The following MASP1 variants were observed in gnomAD, a reference collection of about 807,000 sequenced individuals.
MASP1 encodes the protein mannan-binding lectin serine protease 1.
MASP1 carries 59 observed loss-of-function variants against 77.1 expected under a neutral mutation model. The ratio of observed to expected loss-of-function variants is 0.77; its 90% confidence interval spans 0.62 to 0.95. MASP1 has a LOEUF of 0.95. Ranked by LOEUF, MASP1 falls within the 40% of genes least tolerant of loss-of-function variation. The pLI is 0.00. For missense variants in MASP1, 885 were observed against 912.9 expected, an observed-to-expected ratio of 0.97 and a Z score of 0.39; for synonymous variants, 362 against 354.5, an observed-to-expected ratio of 1.02 and a Z score of -0.24.
chr3:187,254,734 T>G (rs1714927824), intron 5 of MASP1, among the ~76,000 whole-genome samples: 1 of 152,004 alleles, frequency 6.6e-6, no homozygotes, highest in African/African-American at 2.4e-5. Context: ...TGCAGGAGGT[T>G]GGGGGCAGTG....
chr3:187,243,604 G>A lies in MASP1; in HGVS notation c.1108C>T (p.Pro370Ser), dbSNP rs780359180. 1 of 1,614,176 alleles carries A rather than the reference G, an allele frequency of 6.2e-7. No homozygotes were observed. The highest frequency in any genetic ancestry group is 1.1e-5 in the South Asian group (1 of 91,074). The change falls in exon 9 of 11, where the codon CCA (proline) becomes TCA (serine). Residue 370 changes from proline to serine, a missense_variant. By Grantham distance (74) the Pro-to-Ser change is moderately conservative. Transcript: ENST00000296280. ...ATCAGCCCGTGTTCCAGCTCTCCTGGGGCTCTACAGTCTACAACTGAGAGA... is the reference window on the plus strand; with the variant it reads ...ATCAGCCCGTGTTCCAGCTCTCCTGAGGCTCTACAGTCTACAACTGAGAGA... Reference protein sequence around the residue: ...PTCKIVDCRAPGELEHGLITF... With the variant: ...PTCKIVDCRASGELEHGLITF...
At chr3:187,252,589 C>T (rs1190498967) in intron 6 of MASP1, among the ~76,000 whole-genome samples, 1 of 152,142 alleles carries the variant, frequency 6.6e-6, no homozygotes, top group Non-Finnish European at 1.5e-5. Context: ...TTAGTCATGC[C>T]CAGCTGCGAT....
chr3:187,262,981 T>C (rs1423017326), intron 2 of MASP1: 1 of 454,936 alleles, frequency 2.2e-6, no homozygotes, highest in Non-Finnish European at 3.9e-6. Context: ...ACCAAGCAGC[T>C]TATTTATTAA....
At chr3:187,243,901 T>C (rs538772330) in intron 8 of MASP1, 1 of 480,734 alleles carries the variant, frequency 2.1e-6, no homozygotes, top group Admixed American at 3.3e-5. Context: ...TCTACTGAGG[T>C]TTAAGCAGAC....
intron 8 of MASP1, 117 bp downstream of exon 8, chr3:187,250,134 C>T (rs1327512279): frequency 2.4e-6 from 2 of 832,088 alleles, no homozygotes; most frequent in Non-Finnish European, 4.3e-6. Flanking sequence ...TGTTAAATTC[C>T]TGCTCCCATC....
At position 187,262,671 on chromosome 3, in the gene MASP1, G is replaced by T. The variant is rs765885963; in HGVS notation, c.287C>A (p.Thr96Lys). 4.3e-6 allele frequency: 7 copies of T among 1,614,162 alleles called. No homozygotes were observed. In the Admixed American group the frequency reaches 8.3e-5, roughly 19 times the overall value. ...CTGGCCGGGAGTCTGCTCTGTGTCT[G>T]TGGTCTCCCTGCCACAGAAGGTTGC... is the stretch of plus-strand genomic sequence containing the variant. ...VLATFCGRETTDTEQTPGQEV... is the reference protein window; with the variant it reads ...VLATFCGRETKDTEQTPGQEV... The change falls in exon 3 of 11, where the codon ACA becomes AAA. Residue 96 changes from threonine to lysine, a missense_variant. Transcript: ENST00000296280.
At chr3:187,225,526 C>T in intron 12 of MASP1, 1 of 1,613,676 alleles carries the variant, frequency 6.2e-7, no homozygotes, top group Non-Finnish European at 8.5e-7. Context: ...AAGAAGAAGA[C>T]ATGTGAGGCA....
At chr3:187,285,764 A>C in intron 2 of MASP1, 61 bp downstream of exon 2, 1 of 1,331,226 alleles carries the variant, frequency 7.5e-7, no homozygotes, top group Non-Finnish European at 1.1e-6. Flanking sequence ...CTAATTTCAT[A>C]TTGCCTTGTC....
intron 5 of MASP1, 60 bp downstream of exon 5, chr3:187,256,604 T>A: frequency 1.3e-6 from 2 of 1,558,424 alleles, no homozygotes; most frequent in South Asian, 2.2e-5. Flanking sequence ...CAATATCAAT[T>A]TTCCCAACTC....
downstream of MASP1, among the ~76,000 whole-genome samples, chr3:187,231,726 T>C (rs1217924873): frequency 6.6e-6 from 1 of 152,234 alleles, no homozygotes; most frequent in Non-Finnish European, 1.5e-5. Flanking sequence ...TGGATAAAGC[T>C]TTGACTTGAA....
Position 187,235,585 on chromosome 3 carries a change from G to T in MASP1, c.*99C>A. Reference sequence around the variant, plus strand: ...GGAGAAGCCACCGCTAGGTCAGTGTGTTCCATTCCATATGGTCTGATAAGT... The same window carrying T: ...GGAGAAGCCACCGCTAGGTCAGTGTTTTCCATTCCATATGGTCTGATAAGT... On this transcript the variant is annotated 3_prime_UTR_variant, in exon 11 of 11. Transcript: ENST00000296280. 1 of 1,588,416 alleles carries T rather than the reference G, an allele frequency of 6.3e-7. No individual in the cohort carries two copies. Among genetic ancestry groups the T allele is most frequent in the Non-Finnish European group, 8.5e-7 (1 of 1,174,862 alleles).
chr3:187,242,605 G>GC (rs1467674254), intron 9 of MASP1: 1 of 152,414 alleles, frequency 6.6e-6, no homozygotes, highest in Admixed American at 6.5e-5. Flanking sequence ...GAGCCGATGG[G>GC]CCCTCCTTTC....
At chr3:187,229,033 T>C (rs1387631008) in intron 11 of MASP1, among the ~76,000 whole-genome samples, 1 of 152,212 alleles carries the variant, frequency 6.6e-6, no homozygotes, top group African/African-American at 2.4e-5. Context: ...GCCTTCTTCC[T>C]TGGGGGTGGG....
rs1330056705 is a variant in MASP1, at chr3:187,256,679, G to C, written c.729C>G (p.Pro243=). The part of the protein sequence containing the change: ...DIEDHPEVPC[P]YDYIKIKVGP... The stretch of plus-strand genomic sequence containing the variant: ...GCAGGCTCACCTTGATGTAGTCATA[G>C]GGGCAGGGCACCTCAGGATGGTCCT... Residue 243 remains proline (P), a synonymous_variant, in exon 5 of 11, where the codon CCC becomes CCG. Transcript: ENST00000296280. 1 of 1,613,996 alleles carries C rather than the reference G, an allele frequency of 6.2e-7. No homozygotes were observed. The highest frequency in any genetic ancestry group is 8.5e-7 in the Non-Finnish European group (1 of 1,180,008).
At chr3:187,269,680 A>C (rs1385987986) in intron 2 of MASP1, among the ~76,000 whole-genome samples, 1 of 152,196 alleles carries the variant, frequency 6.6e-6, no homozygotes, top group East Asian at 1.9e-4. Context: ...GTGCCTGGCT[A>C]AATTTCAGAA....
rs1456676237 is a variant in MASP1, at chr3:187,235,239, A to G, written c.*445T>C. The G allele has an allele frequency of 3.1e-6, 4 of 1,291,176 alleles. No individual in the cohort carries two copies. Among genetic ancestry groups the G allele is most frequent in the Non-Finnish European group, 4.0e-6 (4 of 991,544 alleles). 80.0% of individuals were successfully genotyped at this position (1,291,176 alleles called of 1,614,324 possible). ...GTCCCAGAAGGCAGAGCAGGAAAAT[A>G]TACAGATGCGGCATTCAGTTCAATG... is the stretch of plus-strand genomic sequence containing the variant. On this transcript the variant is annotated 3_prime_UTR_variant, in exon 11 of 11. Coordinates refer to ENST00000296280, the MANE Select transcript of MASP1 (RefSeq NM_139125.4).
Position 187,234,330 on chromosome 3 carries a change from TCCAGGGAGAAGGAGAACAATCAG to T in MASP1, c.*1331_*1353del. On this transcript the variant is annotated 3_prime_UTR_variant, in exon 11 of 11. Coordinates refer to ENST00000296280, the MANE Select transcript of MASP1 (RefSeq NM_139125.4). ...GATGGAGATTTTCAGGAGAGAGAGC[TCCAGGGAGAAGGAGAACAATCAG>T]CCCTGTGAGGGCCAGAGAGGCTGCT... The T allele has an allele frequency of 1.6e-6, 2 of 1,287,160 alleles. No individual in the cohort carries two copies. The highest frequency in any genetic ancestry group is 2.0e-6 in the Non-Finnish European group (2 of 988,694). The allele number at this position is 1,287,160 out of a possible 1,614,324, so 79.7% of individuals were successfully genotyped here. A position where few individuals can be genotyped will look rare whatever the true frequency, so the allele number is the denominator to read the frequency against.
intron 10 of MASP1, among the ~76,000 whole-genome samples, chr3:187,237,778 G>C (rs964095577): frequency 6.6e-6 from 1 of 152,228 alleles, no homozygotes; most frequent in East Asian, 1.9e-4. Context: ...ATGAGTGTGG[G>C]CCTCCTCCTG....
At chr3:187,284,005 C>T (rs1717637624) in intron 2 of MASP1, among the ~76,000 whole-genome samples, 1 of 152,126 alleles carries the variant, frequency 6.6e-6, no homozygotes, top group African/African-American at 2.4e-5. Context: ...TACTCATGGC[C>T]TCAGTGAAGA....
Sources: gnomAD v4.1 joint callset for allele counts (sites outside exome capture counted in the v4.1 genomes callset) on GRCh38, gnomAD v4.1.1 for gene constraint, MANE v1.5 for transcripts, NCBI Gene and HGNC (gene_info 2026-07-23, HGNC 2026-07-21) for gene names.